The following PDE4D variants were observed in gnomAD, a reference collection of about 807,000 sequenced individuals.
PDE4D encodes the protein phosphodiesterase 4D.
In PDE4D, 24 loss-of-function variants were observed where a neutral mutation model predicts 87.4. That is an observed-to-expected ratio of 0.27 (90% CI 0.20 to 0.39). PDE4D has a LOEUF of 0.39. Among genes scored for constraint, PDE4D ranks in the 10% least tolerant of loss-of-function variants. PDE4D has a pLI of 1.00. For synonymous variants in PDE4D, 384 were observed against 383.2 expected, an observed-to-expected ratio of 1.00 and a Z score of -0.02; for missense variants, 714 against 1,041.0, an observed-to-expected ratio of 0.69 and a Z score of 4.32.
chr5:59,011,216 T>G (rs892897837), intron 6 of PDE4D, among the ~76,000 whole-genome samples: 1 of 152,086 alleles, frequency 6.6e-6, no homozygotes, highest in Non-Finnish European at 1.5e-5. Context: ...AGCTGAAAGT[T>G]CTAAAAATCA....
intron 6 of PDE4D, among the ~76,000 whole-genome samples, chr5:59,020,733 T>C (rs560571873): frequency 1.1e-4 from 16 of 152,206 alleles, no homozygotes; most frequent in Non-Finnish European, 1.9e-4. Flanking sequence ...CCGACTCCTC[T>C]GTAAAGTGGC....
At chr5:59,430,316 C>A in intron 1 of PDE4D, 1 of 1,231,320 alleles carries the variant, frequency 8.1e-7, no homozygotes, top group Non-Finnish European at 1.0e-6. Flanking sequence ...GGCTTAATAT[C>A]AATTGGCATG....
chr5:60,473,907 G>C (rs1446629700), intron 1 of PDE4D, among the ~76,000 whole-genome samples: 2 of 147,278 alleles, frequency 1.4e-5, no homozygotes, highest in African/African-American at 5.0e-5. Flanking sequence ...CCTTTGAAGA[G>C]GCTACTTCCT....
chr5:59,036,477 A>C (rs1758519500), intron 6 of PDE4D, among the ~76,000 whole-genome samples: 1 of 152,222 alleles, frequency 6.6e-6, no homozygotes, highest in Admixed American at 6.5e-5. Flanking sequence ...AGATGATGCA[A>C]GCTGTACACA....
At chr5:59,094,590 G>A (rs1769351767) in intron 5 of PDE4D, among the ~76,000 whole-genome samples, 1 of 152,104 alleles carries the variant, frequency 6.6e-6, no homozygotes, top group Non-Finnish European at 1.5e-5. Context: ...AATTGATCAT[G>A]AAATGTGGGA....
chr5:59,716,528 A>G (rs1755053345), intron 1 of PDE4D, among the ~76,000 whole-genome samples: 1 of 152,222 alleles, frequency 6.6e-6, no homozygotes, highest in African/African-American at 2.4e-5. Context: ...AGAGGAATTG[A>G]GCATCGTATA....
chr5:59,335,149 AG>A (rs1347149014), intron 1 of PDE4D, among the ~76,000 whole-genome samples: 1 of 152,170 alleles, frequency 6.6e-6, no homozygotes, highest in African/African-American at 2.4e-5. Context: ...TTCCTTTGGA[AG>A]GCTCATGACA....
intron 2 of PDE4D, among the ~76,000 whole-genome samples, chr5:60,118,503 C>T (rs554814484): frequency 1.0e-4 from 15 of 150,680 alleles, no homozygotes; most frequent in African/African-American, 2.9e-4. Context: ...GGCAGATATA[C>T]GTCACAGTTT....
chr5:59,436,735 T>C (rs1287989303), intron 1 of PDE4D, among the ~76,000 whole-genome samples: 1 of 152,182 alleles, frequency 6.6e-6, no homozygotes, highest in East Asian at 1.9e-4. Flanking sequence ...TTTTTAAAAA[T>C]GCTTTATTCT....
chr5:59,250,622 A>G (rs547874365), intron 1 of PDE4D, among the ~76,000 whole-genome samples: 1 of 152,264 alleles, frequency 6.6e-6, no homozygotes, highest in South Asian at 2.1e-4. Flanking sequence ...GATAAAATAT[A>G]AAGATGTCCA....
At chr5:59,638,218 G>T (rs1740926178) in intron 1 of PDE4D, among the ~76,000 whole-genome samples, 1 of 152,048 alleles carries the variant, frequency 6.6e-6, no homozygotes, top group Non-Finnish European at 1.5e-5. Flanking sequence ...CTGAGGCAAT[G>T]GGTTATCATA....
At chr5:60,226,935 G>A (rs910531089) in intron 1 of PDE4D, among the ~76,000 whole-genome samples, 3 of 151,646 alleles carry the variant, frequency 2.0e-5, no homozygotes, top group Non-Finnish European at 2.9e-5. Context: ...TTCTAACCTC[G>A]CCATCCCAAA....
rs1438406648 is a variant in PDE4D, at chr5:60,257,255, A to AG, written c.-89-71569_-89-71568insC. On this transcript the variant is annotated intron_variant, in intron 1 of 16. Coordinates refer to the PDE4D transcript ENST00000502484. ...AAGAAAGAAAGAAAGAAAGAAAGAA[A>AG]AGAAAAGAAAGAGAGAAAGAGAAAA... 2.0e-5 allele frequency among the ~76,000 whole-genome samples: 3 copies of AG among 150,402 alleles called. No individual in the cohort carries two copies. In the East Asian group the frequency reaches 5.8e-4, roughly 29 times the overall value.
intron 5 of PDE4D, among the ~76,000 whole-genome samples, chr5:59,117,042 C>T (rs922430400): frequency 6.6e-5 from 10 of 152,172 alleles, no homozygotes; most frequent in Non-Finnish European, 1.2e-4. Flanking sequence ...CTTTATAGTA[C>T]ACAGTGGCTC....
intron 1 of PDE4D, among the ~76,000 whole-genome samples, chr5:59,761,918 G>A (rs1355841553): frequency 6.6e-6 from 1 of 152,056 alleles, no homozygotes; most frequent in African/African-American, 2.4e-5. Context: ...TGGTAGGTTT[G>A]TTTACACCAG....
At chr5:59,683,838 A>G (rs1044252550) in intron 1 of PDE4D, among the ~76,000 whole-genome samples, 6 of 152,200 alleles carry the variant, frequency 3.9e-5, no homozygotes, top group Non-Finnish European at 8.8e-5. Flanking sequence ...TTAGTATGCC[A>G]TAACAGAATT....
At chr5:60,148,179 G>C (rs1256308656) in intron 2 of PDE4D, among the ~76,000 whole-genome samples, 1 of 152,102 alleles carries the variant, frequency 6.6e-6, no homozygotes, top group Non-Finnish European at 1.5e-5. Flanking sequence ...TAACTTTTTT[G>C]GGGGTGGGGC....
At chr5:59,558,372 G>A (rs1385251038) in intron 1 of PDE4D, among the ~76,000 whole-genome samples, 1 of 152,132 alleles carries the variant, frequency 6.6e-6, no homozygotes, top group African/African-American at 2.4e-5. Context: ...TTACATTGAA[G>A]TAGCTTTGGG....
chr5:59,014,629 C>G (rs1753590453), intron 6 of PDE4D, among the ~76,000 whole-genome samples: 1 of 152,000 alleles, frequency 6.6e-6, no homozygotes, highest in Non-Finnish European at 1.5e-5. Context: ...AACCACTGCT[C>G]AACAAAATAA....
Sources: gnomAD v4.1 joint callset for allele counts (sites outside exome capture counted in the v4.1 genomes callset) on GRCh38, gnomAD v4.1.1 for gene constraint, MANE v1.5 for transcripts, NCBI Gene and HGNC (gene_info 2026-07-23, HGNC 2026-07-21) for gene names.